Variants in ARID1B observed in about 807,000 individuals in gnomAD.
ARID1B encodes AT-rich interactive domain-containing protein 1B.
ARID1B carries 30 observed loss-of-function variants against 212.3 expected under a neutral mutation model. The ratio of observed to expected loss-of-function variants is 0.14; its 90% CI spans 0.11 to 0.19. ARID1B has a LOEUF of 0.19. Among genes scored for constraint, ARID1B ranks in the 10% least tolerant of loss-of-function variants. The pLI is 1.00. For missense variants in ARID1B, 2,891 were observed against 3,204.0 expected, an observed-to-expected ratio of 0.90 and a Z score of 2.36; for synonymous variants, 1,402 against 1,301.7, an observed-to-expected ratio of 1.08 and a Z score of -1.66.
At chr6:157,083,451 G>A (rs1173661053) in intron 4 of ARID1B, among the ~76,000 whole-genome samples, 8 of 152,178 alleles carry the variant, frequency 5.3e-5, no homozygotes, top group Non-Finnish European at 1.2e-4. Flanking sequence ...GGAGCCATGG[G>A]GGGCACACCA....
chr6:156,828,391 A>G (rs1562416723), intron 1 of ARID1B, among the ~76,000 whole-genome samples: 1 of 152,158 alleles, frequency 6.6e-6, no homozygotes, highest in Non-Finnish European at 1.5e-5. Flanking sequence ...TTGGAAGGAC[A>G]GAGGAGGGAA....
chr6:157,021,693 C>G (rs560669061), intron 4 of ARID1B, among the ~76,000 whole-genome samples: 5 of 152,162 alleles, frequency 3.3e-5, no homozygotes, highest in Non-Finnish European at 5.9e-5. Flanking sequence ...CCTTTCCGGG[C>G]AAGCGCGGCC....
intron 4 of ARID1B, among the ~76,000 whole-genome samples, chr6:157,062,201 G>GTTT (rs1430308696): frequency 1.3e-5 from 2 of 150,348 alleles, no homozygotes; most frequent in African/African-American, 4.9e-5. Flanking sequence ...CTTTTGTTTT[G>GTTT]TTGTTTTTTT....
chr6:156,933,610 CTG>C (rs1791931167), intron 3 of ARID1B, among the ~76,000 whole-genome samples: 1 of 152,224 alleles, frequency 6.6e-6, no homozygotes, highest in Admixed American at 6.5e-5. Context: ...CAGAGCCACT[CTG>C]TAAGTGTCCT....
intron 1 of ARID1B, among the ~76,000 whole-genome samples, chr6:156,808,507 C>G (rs1219583460): frequency 6.6e-6 from 1 of 152,212 alleles, no homozygotes; most frequent in African/African-American, 2.4e-5. Context: ...AGCCCTGTTA[C>G]TAAAGTCAAT....
intron 1 of ARID1B, among the ~76,000 whole-genome samples, chr6:156,812,026 A>G (rs1051935102): frequency 3.9e-5 from 6 of 152,194 alleles, no homozygotes; most frequent in Non-Finnish European, 7.3e-5. Context: ...TTTTGTTCGC[A>G]TTGGTTGTGC....
chr6:156,857,062 A>G (rs1785002119), intron 2 of ARID1B, among the ~76,000 whole-genome samples: 1 of 152,134 alleles, frequency 6.6e-6, no homozygotes, highest in South Asian at 2.1e-4. Flanking sequence ...TGTTAACCAC[A>G]ACTAGAACAT....
chr6:157,131,464 C>T (rs1319408663), intron 6 of ARID1B, among the ~76,000 whole-genome samples: 1 of 151,954 alleles, frequency 6.6e-6, no homozygotes, highest in Non-Finnish European at 1.5e-5. Flanking sequence ...GAGAGCAGAT[C>T]GTGGGCGAGC....
chr6:156,918,514 G>A (rs555706675), intron 3 of ARID1B, among the ~76,000 whole-genome samples: 2 of 152,250 alleles, frequency 1.3e-5, no homozygotes, highest in Non-Finnish European at 2.9e-5. Context: ...TATAGTTAAT[G>A]TTATTCTTTG....
chr6:157,040,404 T>C (rs907028543), intron 4 of ARID1B, among the ~76,000 whole-genome samples: 1 of 152,262 alleles, frequency 6.6e-6, no homozygotes, highest in Non-Finnish European at 1.5e-5. Flanking sequence ...AGAACATTTC[T>C]GAGCCTGCTG....
In ARID1B at chr6:156,778,889, CGGA is replaced by C. The variant is rs747790383; in HGVS notation, c.1232_1234del (p.Gly411del). 4.5e-3 allele frequency: 5,933 copies of C among 1,314,634 alleles called. 2 individuals are homozygous for C. Among genetic ancestry groups the C allele is most frequent in the South Asian group, 0.011 (627 of 54,874 alleles). 81.4% of individuals were successfully genotyped at this position (1,314,634 alleles called of 1,614,324 possible). A position where few individuals can be genotyped will look rare whatever the true frequency, so the allele number is the denominator to read the frequency against. On this transcript the variant is annotated inframe_deletion, in exon 1 of 20. Coordinates refer to ENST00000636930, the MANE Select transcript of ARID1B (RefSeq NM_001374828.1). ...GCGGCGGCGGAGGAGGAGGAGGCAG[CGGA>C]GGAGGAGGAGGAGGAGGAGGAGCAG...
intron 12 of ARID1B, among the ~76,000 whole-genome samples, chr6:157,182,601 T>A (rs1241748929): frequency 6.6e-6 from 1 of 152,094 alleles, no homozygotes; most frequent in Admixed American, 6.5e-5. Flanking sequence ...GTCTCAGTGC[T>A]GCGTCTCGGG....
At chr6:156,853,083 C>T (rs1325599493) in intron 2 of ARID1B, among the ~76,000 whole-genome samples, 1 of 152,138 alleles carries the variant, frequency 6.6e-6, no homozygotes, top group Non-Finnish European at 1.5e-5. Context: ...TTACTAAGAC[C>T]ATGGTATAGG....
intron 3 of ARID1B, among the ~76,000 whole-genome samples, chr6:156,911,530 G>A (rs1789894840): frequency 1.3e-5 from 2 of 151,840 alleles, no homozygotes; most frequent in Non-Finnish European, 2.9e-5. Flanking sequence ...TAACTACTCC[G>A]TTGAAATTTT....
chr6:156,975,641 A>G lies in ARID1B; in HGVS notation c.2247+40065A>G, dbSNP rs532968132. On this transcript the variant is annotated intron_variant, in intron 4 of 19. Transcript: ENST00000636930. ...TTTTTTTTTTTTTTTCAGTTCCTTA[A>G]AGATACTGGTCCACTGTCTTCTGGC... Among the ~76,000 whole-genome samples, 4 of 138,396 alleles carry G rather than the reference A, an allele frequency of 2.9e-5. No individual in the cohort carries two copies. In the South Asian group the frequency reaches 8.8e-4, roughly 31 times the overall value. 90.8% of individuals were successfully genotyped at this position (138,396 alleles called of 152,430 possible).
intron 5 of ARID1B, among the ~76,000 whole-genome samples, chr6:157,090,857 T>C (rs1785234179): frequency 6.6e-6 from 1 of 152,122 alleles, no homozygotes; most frequent in South Asian, 2.1e-4. Flanking sequence ...CTCCCATCTT[T>C]TTCTACTGAT....
chr6:156,997,184 A>G (rs193290235), intron 4 of ARID1B, among the ~76,000 whole-genome samples: 62 of 152,342 alleles, frequency 4.1e-4, no homozygotes, highest in African/African-American at 1.3e-3. Flanking sequence ...TTTACCATGC[A>G]TGTTACATTA....
intron 2 of ARID1B, among the ~76,000 whole-genome samples, chr6:156,852,678 T>G (rs185667669): frequency 6.6e-6 from 1 of 152,324 alleles, no homozygotes; most frequent in Non-Finnish European, 1.5e-5. Flanking sequence ...ATGATTTAAT[T>G]ACAACAGTGG....
intron 4 of ARID1B, among the ~76,000 whole-genome samples, chr6:156,966,803 C>T (rs1044050483): frequency 2.6e-5 from 4 of 152,190 alleles, no homozygotes; most frequent in Non-Finnish European, 5.9e-5. Context: ...CGGGTTCAAG[C>T]GTTTCTCCTG....
Sources: allele counts gnomAD v4.1 joint callset (sites outside exome capture counted in the v4.1 genomes callset), GRCh38; gene constraint gnomAD v4.1.1; transcripts MANE v1.5; gene names NCBI Gene and HGNC (gene_info 2026-07-23, HGNC 2026-07-21).